The following RPS6KC1 variants were observed in gnomAD, a reference collection of about 807,000 sequenced individuals.
RPS6KC1 encodes ribosomal protein S6 kinase C1.
In RPS6KC1, 54 loss-of-function variants were observed where a neutral mutation model predicts 103.8. The ratio of observed to expected loss-of-function variants is 0.52; its 90% CI spans 0.42 to 0.65. The LOEUF is 0.65. Among genes scored for constraint, RPS6KC1 ranks in the 30% least tolerant of loss-of-function variants. The probability of loss-of-function intolerance (pLI) is 0.00; values close to 1 mark genes in which losing one functional copy is unlikely to be tolerated. For missense variants in RPS6KC1, 1,151 were observed against 1,253.8 expected (o/e 0.92, Z 1.24); for synonymous variants, 439 against 438.7 (o/e 1.00, Z -0.01).
At chr1:213,671,783 TAAC>T in the RPS6KC1 span, among the ~76,000 whole-genome samples, 5 of 151,800 alleles carry the variant, frequency 3.3e-5, no homozygotes, top group East Asian at 1.9e-4. Context: ...GAATCTGTCT[TAAC>T]AACAACAACA....
chr1:213,660,495 C>T, the RPS6KC1 span, among the ~76,000 whole-genome samples: 2 of 152,232 alleles, frequency 1.3e-5, no homozygotes, highest in South Asian at 2.1e-4. Flanking sequence ...CAAAATCAGT[C>T]GTTGCTCATG....
At chr1:213,417,184 G>T in the RPS6KC1 span, among the ~76,000 whole-genome samples, 1 of 152,188 alleles carries the variant, frequency 6.6e-6, no homozygotes, top group Admixed American at 6.5e-5. Flanking sequence ...CATTCGCCGG[G>T]CCCCAACCGC....
At chr1:213,750,123 G>T in the RPS6KC1 span, among the ~76,000 whole-genome samples, 5 of 152,162 alleles carry the variant, frequency 3.3e-5, no homozygotes, top group Non-Finnish European at 5.9e-5. Context: ...CCTGGTTTTG[G>T]TTTACTTTGT....
chr1:213,167,491 A>ACACACACACAC (rs1558462702), intron 6 of RPS6KC1, among the ~76,000 whole-genome samples: 1 of 70,612 alleles, frequency 1.4e-5, no homozygotes, highest in Admixed American at 1.6e-4. Context: ...CACACACACA[A>ACACACACACAC]CAGCTGTTGC....
At chr1:213,054,748 GGCC>G (rs1210039983) in intron 1 of RPS6KC1, among the ~76,000 whole-genome samples, 1 of 152,072 alleles carries the variant, frequency 6.6e-6, no homozygotes, top group East Asian at 1.9e-4. Context: ...ATGATTTTGA[GGCC>G]AGTTGCAAGC....
chr1:213,858,565 A>G, the RPS6KC1 span, among the ~76,000 whole-genome samples: 2 of 152,190 alleles, frequency 1.3e-5, no homozygotes, highest in African/African-American at 4.8e-5. Flanking sequence ...TCTCATAACC[A>G]GAGCAAAGGA....
At chr1:213,546,018 G>A in the RPS6KC1 span, among the ~76,000 whole-genome samples, 283 of 152,256 alleles carry the variant, frequency 1.9e-3, no homozygotes, top group African/African-American at 6.5e-3. Flanking sequence ...CTGGGCTAGG[G>A]TGACCATAGT....
At chr1:213,336,529 A>G in the RPS6KC1 span, among the ~76,000 whole-genome samples, 1 of 152,328 alleles carries the variant, frequency 6.6e-6, no homozygotes, top group East Asian at 1.9e-4. Context: ...CCTAAGGGTC[A>G]TAGAGTCATT....
the RPS6KC1 span, among the ~76,000 whole-genome samples, chr1:213,325,093 G>T: frequency 1.3e-5 from 2 of 152,194 alleles, no homozygotes; most frequent in Admixed American, 1.3e-4. Flanking sequence ...TGTAGGGATA[G>T]ATGTTGGGGG....
chr1:213,168,890 TA>T lies in RPS6KC1; in HGVS notation c.951+918del, dbSNP rs1405520710. ...GCCCGCCTCAGCCTCCCAAATAGTT[TA>T]TTTTCTTAATTGATCTAAGAGTCAG... On this transcript the variant is annotated intron_variant, in intron 7 of 14. Transcript: ENST00000366960. Among the ~76,000 whole-genome samples, 7 of 152,250 alleles carry T rather than the reference TA, an allele frequency of 4.6e-5. No homozygotes were observed. The East Asian group carries it at 1.3e-3, about 29-fold the overall frequency.
At chr1:213,714,452 T>G in the RPS6KC1 span, among the ~76,000 whole-genome samples, 3 of 152,378 alleles carry the variant, frequency 2.0e-5, no homozygotes, top group Non-Finnish European at 2.9e-5. Context: ...TCCTTGGTTG[T>G]TCGTTTATAC....
the RPS6KC1 span, among the ~76,000 whole-genome samples, chr1:213,798,227 C>A: frequency 2.0e-5 from 3 of 152,290 alleles, no homozygotes; most frequent in Non-Finnish European, 4.4e-5. Context: ...CTACGCCCTG[C>A]CGTTAACTTC....
At chr1:213,230,763 A>G (rs2094079512) in intron 9 of RPS6KC1, among the ~76,000 whole-genome samples, 1 of 148,860 alleles carries the variant, frequency 6.7e-6, no homozygotes, top group Admixed American at 6.8e-5. Flanking sequence ...TGAACCCAGG[A>G]GGCAGAGATT....
At chr1:213,098,768 G>A (rs2081727283) in intron 3 of RPS6KC1, among the ~76,000 whole-genome samples, 1 of 152,126 alleles carries the variant, frequency 6.6e-6, no homozygotes, top group Admixed American at 6.5e-5. Context: ...GTTTGATTGT[G>A]ACATTTACCA....
chr1:213,322,487 G>A, the RPS6KC1 span, among the ~76,000 whole-genome samples: 1 of 152,178 alleles, frequency 6.6e-6, no homozygotes, highest in Non-Finnish European at 1.5e-5. Flanking sequence ...GGCAGAGCCG[G>A]TAGACCAGTA....
At chr1:213,655,777 G>C in the RPS6KC1 span, among the ~76,000 whole-genome samples, 1 of 152,096 alleles carries the variant, frequency 6.6e-6, no homozygotes, top group South Asian at 2.1e-4. Context: ...TATGGAAACG[G>C]AAGTTTTGAT....
At chr1:213,583,814 C>T in the RPS6KC1 span, among the ~76,000 whole-genome samples, 6 of 102,306 alleles carry the variant, frequency 5.9e-5, no homozygotes, top group African/African-American at 2.5e-4. Context: ...GAGCAAGATT[C>T]TGTCTCAAAA....
chr1:213,639,447 C>T, the RPS6KC1 span, among the ~76,000 whole-genome samples: 2 of 151,940 alleles, frequency 1.3e-5, no homozygotes, highest in African/African-American at 4.8e-5. Flanking sequence ...AGAGAGAAAG[C>T]CTTTTGGTGG....
At chr1:213,549,430 T>G in the RPS6KC1 span, among the ~76,000 whole-genome samples, 4 of 152,104 alleles carry the variant, frequency 2.6e-5, no homozygotes, top group Non-Finnish European at 4.4e-5. Context: ...GTTTACTTCT[T>G]TGTTTTCTCT....
Sources: allele counts gnomAD v4.1 joint callset (sites outside exome capture counted in the v4.1 genomes callset), GRCh38; gene constraint gnomAD v4.1.1; transcripts MANE v1.5; gene names NCBI Gene and HGNC (gene_info 2026-07-23, HGNC 2026-07-21).